Variants in ANKRD28 observed in about 807,000 individuals in gnomAD.
ANKRD28 encodes the protein ankyrin repeat domain 28, also known as serine/threonine-protein phosphatase 6 regulatory ankyrin repeat subunit A.
In ANKRD28, 44 loss-of-function variants were observed where a neutral mutation model predicts 126.5. The observed-to-expected ratio is 0.35, with a 90% CI of 0.27 to 0.45. ANKRD28 has a LOEUF of 0.45. ANKRD28 is among the 20% of genes least tolerant of loss of function. The probability of loss-of-function intolerance (pLI) is 1.00; values close to 1 mark genes in which losing one functional copy is unlikely to be tolerated. For missense variants in ANKRD28, 1,110 were observed against 1,316.6 expected (o/e 0.84, Z 2.43); for synonymous variants, 442 against 468.5 (o/e 0.94, Z 0.73).
intron 6 of ANKRD28, among the ~76,000 whole-genome samples, chr3:15,725,291 G>A (rs2074069871): frequency 6.6e-6 from 1 of 152,138 alleles, no homozygotes; most frequent in Non-Finnish European, 1.5e-5. Flanking sequence ...GGTATCCAAA[G>A]GAGTCTGAAA....
intron 2 of ANKRD28, among the ~76,000 whole-genome samples, chr3:15,777,886 A>ACACACACACT (rs2059364437): frequency 1.3e-5 from 2 of 150,714 alleles, no homozygotes; most frequent in African/African-American, 2.4e-5. Context: ...ACACACACAC[A>ACACACACACT]CACACACACA....
rs374202754 is a variant in ANKRD28, at chr3:15,805,950, G to A, written c.28-10644C>T. On this transcript the variant is annotated intron_variant, in intron 1 of 27. Coordinates refer to the ANKRD28 transcript ENST00000399451. ...TCACTTCCGTTTCAAAGTGGCTATC[G>A]TTTGGGAAATACTAAAAAAAAAATG... Among the ~76,000 whole-genome samples, 19 of 151,706 alleles carry A rather than the reference G, an allele frequency of 1.3e-4. 1 individual carries two copies. The highest frequency in any genetic ancestry group is 1.2e-3 in the East Asian group (6 of 5,188).
chr3:15,709,950 C>T (rs1456253303), intron 12 of ANKRD28, among the ~76,000 whole-genome samples: 4 of 151,974 alleles, frequency 2.6e-5, no homozygotes, highest in Admixed American at 2.0e-4. Flanking sequence ...GGAAATAACA[C>T]ACGATTCATG....
intron 1 of ANKRD28, among the ~76,000 whole-genome samples, chr3:15,849,767 C>T (rs2061599183): frequency 6.6e-6 from 1 of 152,316 alleles, no homozygotes; most frequent in African/African-American, 2.4e-5. Context: ...CATTTTTCCT[C>T]AAATTTATCA....
chr3:15,824,316 G>A (rs1284267634), intron 1 of ANKRD28, among the ~76,000 whole-genome samples: 8 of 152,078 alleles, frequency 5.3e-5, no homozygotes, highest in Non-Finnish European at 1.2e-4. Flanking sequence ...CACCACAGCC[G>A]GCTAGTTTTT....
intron 1 of ANKRD28, among the ~76,000 whole-genome samples, chr3:15,809,597 T>C (rs980163058): frequency 5.3e-5 from 8 of 152,122 alleles, no homozygotes; most frequent in African/African-American, 1.4e-4. Context: ...AAACTGCTCA[T>C]AGGAGGAATG....
In ANKRD28 at chr3:15,704,497, A is replaced by AT. The variant is rs556148214; in HGVS notation, c.1547+3426dup. 2.0e-5 allele frequency among the ~76,000 whole-genome samples: 3 copies of AT among 152,124 alleles called. No individual in the cohort carries two copies. The South Asian group carries it at 6.2e-4, about 31-fold the overall frequency. ...GTAGAAACTGTGATGCTGACAGGGG[A>AT]TTTTTAAAAAACCATTTAAAAAACA... is the stretch of plus-strand genomic sequence containing the variant. On this transcript the variant is annotated intron_variant, in intron 14 of 27. Transcript: ENST00000683139.
intron 9 of ANKRD28, among the ~76,000 whole-genome samples, chr3:15,713,900 A>G (rs181772999): frequency 5.6e-4 from 86 of 152,294 alleles, no homozygotes; most frequent in African/African-American, 1.9e-3. Flanking sequence ...ATAAGTTTGG[A>G]AACTACTGTA....
intron 6 of ANKRD28, among the ~76,000 whole-genome samples, chr3:15,734,376 C>A (rs187095138): frequency 1.7e-4 from 26 of 152,296 alleles, no homozygotes; most frequent in Admixed American, 3.9e-4. Flanking sequence ...AAGTGGTTAA[C>A]TAGATGTCTT....
chr3:15,761,407 T>C (rs1266859630), intron 3 of ANKRD28, among the ~76,000 whole-genome samples: 1 of 152,192 alleles, frequency 6.6e-6, no homozygotes, highest in South Asian at 2.1e-4. Flanking sequence ...AGATCAAATA[T>C]CTAGTTTCAA....
At chr3:15,741,623 G>C (rs1354632016) in intron 4 of ANKRD28, among the ~76,000 whole-genome samples, 1 of 143,970 alleles carries the variant, frequency 6.9e-6, no homozygotes, top group Non-Finnish European at 1.5e-5. Flanking sequence ...ACTGTACTCA[G>C]AGAGTATTTA....
chr3:15,783,287 C>T (rs371749514), intron 2 of ANKRD28, among the ~76,000 whole-genome samples: 3 of 151,672 alleles, frequency 2.0e-5, no homozygotes, highest in Admixed American at 1.3e-4. Context: ...GACAAGATCA[C>T]GAAAAGATTA....
At chr3:15,779,182 A>C (rs1484425575) in intron 2 of ANKRD28, among the ~76,000 whole-genome samples, 2 of 152,176 alleles carry the variant, frequency 1.3e-5, no homozygotes, top group East Asian at 3.8e-4. Context: ...AAGTCTGCCT[A>C]CCATAAACTG....
At position 15,696,375 on chromosome 3, in the gene ANKRD28, C is replaced by T. The variant is rs139631482; in HGVS notation, c.1548-130G>A. 3.3e-3 allele frequency: 1,890 copies of T among 564,456 alleles called. 26 individuals carry two copies. Among genetic ancestry groups the T allele is most frequent in the African/African-American group, 0.031 (1,630 of 52,718 alleles). 35.0% of individuals were successfully genotyped at this position (564,456 alleles called of 1,614,324 possible). On this transcript the variant is annotated intron_variant, in intron 14 of 27. Coordinates refer to ENST00000683139, the MANE Select transcript of ANKRD28 (RefSeq NM_001349278.2). ...TAATATAAAAATCATAAATGTATTA[C>T]ACTATAAAAATGTCATTTAAATGAC...
At position 15,833,213 on chromosome 3, in the gene ANKRD28, AC is replaced by A. The variant is rs2061243154; in HGVS notation, c.27+26163del. On this transcript the variant is annotated intron_variant, in intron 1 of 27. Transcript: ENST00000399451. This position sits in a 1 kb window ranked among gnomAD's most constrained non-coding sequence, Gnocchi z 4.4. Reference sequence around the variant, plus strand: ...TCAGTGGGCTGGGAAAGGCGGATCTACCCTTAATCTGAGTAGGCACCATCTA... The same window carrying A: ...TCAGTGGGCTGGGAAAGGCGGATCTACCTTAATCTGAGTAGGCACCATCTA... Among the ~76,000 whole-genome samples the A allele has an allele frequency of 2.0e-5, 3 of 152,128 alleles. No homozygotes were observed. The South Asian group carries it at 6.2e-4, about 32-fold the overall frequency.
chr3:15,778,165 TATTA>T (rs564393072), intron 2 of ANKRD28, among the ~76,000 whole-genome samples: 108 of 152,300 alleles, frequency 7.1e-4, no homozygotes, highest in African/African-American at 2.5e-3. Flanking sequence ...ACAATCATCA[TATTA>T]ATTGACTTGT....
intron 26 of ANKRD28, chr3:15,676,637 C>T: frequency 1.0e-5 from 2 of 200,074 alleles, no homozygotes; most frequent in Non-Finnish European, 2.0e-5. Flanking sequence ...AGCTTCTTAC[C>T]TCATTTATTG....
At chr3:15,835,346 C>A (rs761711321) in intron 1 of ANKRD28, among the ~76,000 whole-genome samples, 11 of 152,122 alleles carry the variant, frequency 7.2e-5, no homozygotes, top group Non-Finnish European at 1.6e-4. Context: ...TCGCATTCTG[C>A]CACAAATAGG....
At chr3:15,741,894 G>C (rs1488187361) in intron 4 of ANKRD28, among the ~76,000 whole-genome samples, 3 of 151,748 alleles carry the variant, frequency 2.0e-5, no homozygotes, top group African/African-American at 4.8e-5. Context: ...GCGCCACCAC[G>C]CCTGACTGGT....
Sources: gnomAD v4.1 joint callset for allele counts (sites outside exome capture counted in the v4.1 genomes callset) on GRCh38, gnomAD v4.1.1 for gene constraint, Gnocchi (gnomAD v3.1) non-coding constraint, MANE v1.5 for transcripts, NCBI Gene and HGNC (gene_info 2026-07-23, HGNC 2026-07-21) for gene names.